The following LRMDA variants were observed in gnomAD, a reference collection of about 807,000 sequenced individuals.
The protein encoded by LRMDA is leucine-rich melanocyte differentiation-associated protein.
Under a neutral mutation model 29.8 loss-of-function variants are expected in LRMDA, and 18 were observed. That is an observed-to-expected ratio of 0.60 (90% CI 0.42 to 0.90). The LOEUF (loss-of-function observed/expected upper bound fraction) is 0.90. Among genes scored for constraint, LRMDA ranks in the 40% least tolerant of loss-of-function variants. LRMDA has a pLI of 0.00. For synonymous variants in LRMDA, 125 were observed against 109.4 expected (o/e 1.14, Z -0.89); for missense variants, 273 against 273.9 (o/e 1.00, Z 0.02).
intron 5 of LRMDA, among the ~76,000 whole-genome samples, chr10:76,276,822 T>C (rs1840141610): frequency 1.3e-5 from 2 of 152,226 alleles, no homozygotes; most frequent in Non-Finnish European, 2.9e-5. Flanking sequence ...TCTTTCAGAC[T>C]ATGGGTTCTG....
chr10:76,277,423 G>T (rs752541821), intron 5 of LRMDA, among the ~76,000 whole-genome samples: 1 of 152,150 alleles, frequency 6.6e-6, no homozygotes, highest in East Asian at 1.9e-4. Context: ...TCATGCAAGA[G>T]GCAGGCTCAC....
At chr10:75,738,949 G>A (rs1366168664) in intron 2 of LRMDA, among the ~76,000 whole-genome samples, 1 of 152,126 alleles carries the variant, frequency 6.6e-6, no homozygotes, top group Non-Finnish European at 1.5e-5. Context: ...CAAGTCAGTG[G>A]CACCTGCAAA....
rs778914465 is a variant in LRMDA at position 76,141,409 on chromosome 10, G to A, written c.516+82626G>A. Among the ~76,000 whole-genome samples the A allele has an allele frequency of 9.9e-5, 15 of 152,188 alleles. No homozygotes were observed. In the South Asian group the frequency reaches 2.5e-3, roughly 25 times the overall value. Reference sequence around the variant, plus strand: ...CTGGTAATACATACTAGTAGCTGGCGCAGTGCCCTTCAGTTGAGAACCTCT... The same window carrying A: ...CTGGTAATACATACTAGTAGCTGGCACAGTGCCCTTCAGTTGAGAACCTCT... On this transcript the variant is annotated intron_variant, in intron 5 of 6. Transcript: ENST00000611255.
intron 2 of LRMDA, among the ~76,000 whole-genome samples, chr10:75,877,856 T>C (rs1037581100): frequency 2.0e-5 from 3 of 152,100 alleles, no homozygotes; most frequent in Non-Finnish European, 4.4e-5. Context: ...ACTCTATCCT[T>C]AGCACAAATG....
intron 5 of LRMDA, among the ~76,000 whole-genome samples, chr10:76,307,793 A>C (rs934023055): frequency 6.6e-6 from 1 of 152,214 alleles, no homozygotes; most frequent in African/African-American, 2.4e-5. Context: ...AAACCAAGAA[A>C]CAAAGCTGAG....
chr10:76,382,010 C>T (rs1383853402), intron 6 of LRMDA, among the ~76,000 whole-genome samples: 3 of 152,162 alleles, frequency 2.0e-5, no homozygotes, highest in East Asian at 1.9e-4. Flanking sequence ...CTCATAGAAA[C>T]GTTGTCCATC....
chr10:76,535,660 G>C (rs907096046), intron 6 of LRMDA: 1 of 152,084 alleles, frequency 6.6e-6, no homozygotes, highest in Non-Finnish European at 1.5e-5. Context: ...TGGAAAAATA[G>C]TACATTAAAC....
At chr10:75,622,382 G>C (rs1841200406) in intron 2 of LRMDA, among the ~76,000 whole-genome samples, 1 of 152,190 alleles carries the variant, frequency 6.6e-6, no homozygotes, top group African/African-American at 2.4e-5. Context: ...TGGTGTGTGT[G>C]TGTGTAATTA....
At chr10:76,397,152 A>G (rs1021147370) in intron 6 of LRMDA, among the ~76,000 whole-genome samples, 1 of 152,252 alleles carries the variant, frequency 6.6e-6, no homozygotes, top group African/African-American at 2.4e-5. Context: ...TGTCTTTCCC[A>G]TTAGTTAGCA....
chr10:76,287,373 C>G (rs1192980073), intron 5 of LRMDA, among the ~76,000 whole-genome samples: 3 of 152,112 alleles, frequency 2.0e-5, no homozygotes, highest in Non-Finnish European at 4.4e-5. Context: ...CCACAAAGAT[C>G]CTGTTCTGAA....
At chr10:76,105,753 T>G (rs1849470471) in intron 5 of LRMDA, among the ~76,000 whole-genome samples, 1 of 152,162 alleles carries the variant, frequency 6.6e-6, no homozygotes, top group African/African-American at 2.4e-5. Flanking sequence ...TGTGCTGTTT[T>G]GTTTTGTTTT....
At chr10:75,758,009 A>T (rs1450999605) in intron 2 of LRMDA, among the ~76,000 whole-genome samples, 2 of 152,188 alleles carry the variant, frequency 1.3e-5, no homozygotes, top group Non-Finnish European at 2.9e-5. Flanking sequence ...CATGTTGGCC[A>T]GGCTGGTCTC....
chr10:75,667,103 T>C (rs186458566), intron 2 of LRMDA, among the ~76,000 whole-genome samples: 17 of 152,270 alleles, frequency 1.1e-4, no homozygotes, highest in Admixed American at 6.5e-4. Context: ...TGTGCTATAA[T>C]ATTGAAATAC....
rs1439836336 is a variant in LRMDA at position 75,712,945 on chromosome 10, T to G, written c.131+274451T>G. On this transcript the variant is annotated intron_variant, in intron 2 of 6. Transcript: ENST00000611255. ...TTTAATGTTTCCACTAAATTTACCT[T>G]AATCAGTTATTGTTGCCTTGGTATA... Among the ~76,000 whole-genome samples the G allele has an allele frequency of 2.0e-5, 3 of 152,212 alleles. No individual in the cohort carries two copies. In the East Asian group the frequency reaches 5.8e-4, roughly 29 times the overall value.
chr10:75,736,731 A>G (rs1290037221), intron 2 of LRMDA, among the ~76,000 whole-genome samples: 1 of 152,220 alleles, frequency 6.6e-6, no homozygotes, highest in Non-Finnish European at 1.5e-5. Flanking sequence ...TTGCCAGCAC[A>G]TCTATCTATA....
chr10:75,532,629 G>T (rs757029954), intron 2 of LRMDA, among the ~76,000 whole-genome samples: 1 of 152,114 alleles, frequency 6.6e-6, no homozygotes, highest in Non-Finnish European at 1.5e-5. Flanking sequence ...ATTCATTTCA[G>T]ACTTTTTTTT....
chr10:75,501,873 G>T (rs1347290417), intron 2 of LRMDA, among the ~76,000 whole-genome samples: 1 of 152,046 alleles, frequency 6.6e-6, no homozygotes, highest in East Asian at 1.9e-4. Context: ...TGCCCAAGCT[G>T]GTCTTGAACT....
At chr10:75,476,491 C>T (rs996416863) in intron 2 of LRMDA, among the ~76,000 whole-genome samples, 4 of 152,184 alleles carry the variant, frequency 2.6e-5, no homozygotes, top group South Asian at 2.1e-4. Flanking sequence ...AGTTCATGTT[C>T]TCACACCCTT....
chr10:75,939,116 C>T (rs1272974582), intron 2 of LRMDA, among the ~76,000 whole-genome samples: 1 of 152,142 alleles, frequency 6.6e-6, no homozygotes, highest in African/African-American at 2.4e-5. Flanking sequence ...CATTCTGTCT[C>T]AATTATCCTT....
Sources: gnomAD v4.1 joint callset for allele counts (sites outside exome capture counted in the v4.1 genomes callset) on GRCh38, gnomAD v4.1.1 for gene constraint, MANE v1.5 for transcripts, NCBI Gene and HGNC (gene_info 2026-07-23, HGNC 2026-07-21) for gene names.